The following CACNA1B variants were observed in gnomAD, a reference collection of about 807,000 sequenced individuals.
CACNA1B encodes calcium voltage-gated channel subunit alpha1 B, also known as voltage-dependent N-type calcium channel subunit alpha-1B.
Under a neutral mutation model 247.2 loss-of-function variants are expected in CACNA1B, and 70 were observed. The ratio of observed to expected loss-of-function variants is 0.28; its 90% CI spans 0.23 to 0.35. CACNA1B has a LOEUF of 0.35. CACNA1B is among the 10% of genes least tolerant of loss of function. CACNA1B has a pLI of 1.00. For synonymous variants in CACNA1B, 1,231 were observed against 1,294.4 expected, an observed-to-expected ratio of 0.95 and a Z score of 1.05; for missense variants, 2,367 against 3,197.4, an observed-to-expected ratio of 0.74 and a Z score of 6.26.
intron 31 of CACNA1B, among the ~76,000 whole-genome samples, chr9:138,061,608 C>T (rs1020667226): frequency 2.0e-5 from 3 of 152,218 alleles, no homozygotes; most frequent in African/African-American, 7.2e-5. Context: ...CCGCGGTCAC[C>T]TGGCTCACAT....
Position 138,023,774 on chromosome 9 carries a change from G to A in CACNA1B, c.3031G>A (p.Ala1011Thr). The A allele has an allele frequency of 6.6e-7, 1 of 1,508,496 alleles. No homozygotes were observed. The highest frequency in any genetic ancestry group is 9.0e-7 in the Non-Finnish European group (1 of 1,110,054). The allele number at this position is 1,508,496 out of a possible 1,614,324, so 93.4% of individuals were successfully genotyped here. A position where few individuals can be genotyped will look rare whatever the true frequency, so the allele number is the denominator to read the frequency against. Residue 1011 changes from alanine to threonine, a missense_variant, in exon 19 of 47, where the codon GCC becomes ACC. Ala to Thr is a moderately conservative substitution (Grantham distance 58). This residue lies in a region of CACNA1B where 631 missense variants were observed against 631.1 expected (regional missense o/e 1.00). Transcript: ENST00000371372. ...GGAGAAGGAGGCTGAGATAGTGGAAGCCGACAAGGAAAAGGAGCTCCGGAA... is the reference window on the plus strand; with the variant it reads ...GGAGAAGGAGGCTGAGATAGTGGAAACCGACAAGGAAAAGGAGCTCCGGAA... ...ATEKEAEIVEADKEKELRNHQ... is the reference protein window; with the variant it reads ...ATEKEAEIVETDKEKELRNHQ...
chr9:137,995,831 AAAC>A (rs1209788908), intron 15 of CACNA1B, among the ~76,000 whole-genome samples: 5 of 152,214 alleles, frequency 3.3e-5, no homozygotes, highest in African/African-American at 9.7e-5. Flanking sequence ...AGCAAGAAAA[AAAC>A]AAACAATCTC....
chr9:138,083,480 G>C (rs758617985), intron 36 of CACNA1B, among the ~76,000 whole-genome samples: 5 of 150,702 alleles, frequency 3.3e-5, no homozygotes, highest in African/African-American at 9.8e-5. Flanking sequence ...GTCTTAAGTT[G>C]AAGCAGTTCC....
At chr9:137,910,359 G>T (rs1259975836) in intron 3 of CACNA1B, among the ~76,000 whole-genome samples, 2 of 152,096 alleles carry the variant, frequency 1.3e-5, no homozygotes, top group Non-Finnish European at 2.9e-5. Context: ...TTTTGATAGT[G>T]CCCTCTGGTG....
chr9:138,032,952 A>G (rs1438339625), intron 20 of CACNA1B, among the ~76,000 whole-genome samples: 1 of 152,068 alleles, frequency 6.6e-6, no homozygotes, highest in East Asian at 1.9e-4. Context: ...TTCATCCTTT[A>G]TGTCTTTAAA....
At chr9:137,900,423 C>CTG (rs1337105503) in intron 3 of CACNA1B, among the ~76,000 whole-genome samples, 13 of 152,076 alleles carry the variant, frequency 8.5e-5, no homozygotes, top group African/African-American at 2.9e-4. Flanking sequence ...TGTGTCTCTG[C>CTG]TGTGTGTGTC....
At chr9:137,934,359 G>A (rs1254336483) in intron 6 of CACNA1B, among the ~76,000 whole-genome samples, 1 of 152,188 alleles carries the variant, frequency 6.6e-6, no homozygotes, top group Non-Finnish European at 1.5e-5. Context: ...TAGTTGAGCA[G>A]GTGATCCCTC....
rs994012635 is a variant in CACNA1B at position 137,891,796 on chromosome 9, G to A, written c.530+8913G>A. On this transcript the variant is annotated intron_variant, in intron 3 of 46. Coordinates refer to ENST00000371372, the MANE Select transcript of CACNA1B (RefSeq NM_000718.4). The surrounding 1 kb of genome is among the most constrained non-coding windows in gnomAD (Gnocchi z 4.3). ...TGCGTGCCTGTGTGCAGCCCCACAC[G>A]TGCTGAAGCATCTCTACTCCAGCCA... 33 of 349,834 alleles carry A rather than the reference G, an allele frequency of 9.4e-5. No homozygotes were observed. Among genetic ancestry groups the A allele is most frequent in the African/African-American group, 5.8e-4 (27 of 46,570 alleles). The allele number at this position is 349,834 out of a possible 1,614,324, so 21.7% of individuals were successfully genotyped here.
intron 36 of CACNA1B, among the ~76,000 whole-genome samples, chr9:138,084,967 AAAGC>A (rs1351496410): frequency 3.3e-5 from 5 of 150,570 alleles, no homozygotes; most frequent in African/African-American, 1.2e-4. Flanking sequence ...AAAAAAAAAA[AAAGC>A]AAGGAAATCT....
chr9:137,992,796 CAAAAA>C (rs58721134), intron 15 of CACNA1B, among the ~76,000 whole-genome samples: 1 of 104,758 alleles, frequency 9.5e-6, no homozygotes. Context: ...GACTCCGTCT[CAAAAA>C]AAAAAAAAAA....
intron 20 of CACNA1B, among the ~76,000 whole-genome samples, chr9:138,026,226 C>A (rs1174670229): frequency 6.6e-6 from 1 of 152,254 alleles, no homozygotes; most frequent in Non-Finnish European, 1.5e-5. Context: ...CAGCCTCTAA[C>A]TGCTCAGCCT....
At chr9:137,941,188 G>T (rs769081136) in intron 6 of CACNA1B, among the ~76,000 whole-genome samples, 1 of 152,142 alleles carries the variant, frequency 6.6e-6, no homozygotes. Flanking sequence ...CCTCCAGAAA[G>T]CTCCTAGAAC....
At chr9:137,910,980 T>C (rs1564885644) in intron 3 of CACNA1B, among the ~76,000 whole-genome samples, 1 of 152,244 alleles carries the variant, frequency 6.6e-6, no homozygotes. Context: ...ATGAATATTT[T>C]CCCCTATGTT....
chr9:138,102,617 C>T lies in CACNA1B; in HGVS notation c.5223-94C>T, dbSNP rs1025236791. 1.7e-5 allele frequency: 10 copies of T among 591,998 alleles called. No homozygotes were observed. Among genetic ancestry groups the T allele is most frequent in the African/African-American group, 1.7e-4 (9 of 53,464 alleles). The allele number at this position is 591,998 out of a possible 1,614,324, so 36.7% of individuals were successfully genotyped here. Reference sequence around the variant, plus strand: ...TGTTTTCTTGTCTGCTTCCTCCCTGCCCCTACCCCGCTCCCCTCCCCGCTC... The same window carrying T: ...TGTTTTCTTGTCTGCTTCCTCCCTGTCCCTACCCCGCTCCCCTCCCCGCTC... On this transcript the variant is annotated intron_variant, in intron 37 of 46. Coordinates refer to ENST00000371372, the MANE Select transcript of CACNA1B (RefSeq NM_000718.4). The surrounding 1 kb of genome is among the most constrained non-coding windows in gnomAD (Gnocchi z 5.4).
At chr9:137,897,460 C>T (rs1957185392) in intron 3 of CACNA1B, among the ~76,000 whole-genome samples, 1 of 151,790 alleles carries the variant, frequency 6.6e-6, no homozygotes, top group African/African-American at 2.4e-5. Flanking sequence ...GGCGCCTGTA[C>T]TCCCAGCTAC....
intron 36 of CACNA1B, among the ~76,000 whole-genome samples, chr9:138,091,567 A>G (rs2131336342): frequency 6.6e-6 from 1 of 152,374 alleles, no homozygotes; most frequent in East Asian, 1.9e-4. Context: ...GAATGCTCCC[A>G]ACACAGAAAT....
intron 20 of CACNA1B, among the ~76,000 whole-genome samples, chr9:138,034,219 A>G (rs11790217): frequency 0.019 from 2,838 of 152,150 alleles, 27 homozygotes; most frequent in Middle Eastern, 0.037. Flanking sequence ...AGTAAGAGGA[A>G]GAGATTGTCT....
At chr9:137,878,688 G>T (rs1159754091) in intron 1 of CACNA1B, among the ~76,000 whole-genome samples, 3 of 152,134 alleles carry the variant, frequency 2.0e-5, no homozygotes, top group Non-Finnish European at 4.4e-5. Context: ...GTGTCTGGAG[G>T]GAGCAGCGTG....
intron 10 of CACNA1B, among the ~76,000 whole-genome samples, chr9:137,963,566 T>A (rs552105652): frequency 1.5e-4 from 23 of 152,164 alleles, no homozygotes; most frequent in African/African-American, 5.3e-4. Flanking sequence ...CTGGCTAATT[T>A]TTTTGTATTT....
Sources: gnomAD v4.1 joint callset for allele counts (sites outside exome capture counted in the v4.1 genomes callset) on GRCh38, gnomAD v4.1.1 for gene constraint, gnomAD v4.1.1 regional missense constraint, Gnocchi (gnomAD v3.1) non-coding constraint, MANE v1.5 for transcripts, NCBI Gene and HGNC (gene_info 2026-07-23, HGNC 2026-07-21) for gene names.